The following SLC71A1 variants were observed in gnomAD, a reference collection of about 807,000 sequenced individuals.
SLC71A1 encodes the protein hippocampus abundant gene transcript 1.
the SLC71A1 span, among the ~76,000 whole-genome samples, chr1:100,064,731 T>C: frequency 6.6e-6 from 1 of 151,746 alleles, no homozygotes; most frequent in Non-Finnish European, 1.5e-5. Flanking sequence ...CTTTTCCTTT[T>C]TTTTTTTTTT....
the SLC71A1 span, among the ~76,000 whole-genome samples, chr1:100,066,846 G>A: frequency 6.6e-6 from 1 of 151,918 alleles, no homozygotes; most frequent in Non-Finnish European, 1.5e-5. Context: ...AAAATTAGCC[G>A]GGCGAGGTGG....
the SLC71A1 span, chr1:100,038,363 G>A: frequency 4.7e-6 from 7 of 1,478,514 alleles, no homozygotes; most frequent in East Asian, 4.9e-5. Context: ...GCCCCCATCC[G>A]GTCTCTCCTT....
At chr1:100,083,254 TGTGTG>T in the SLC71A1 span, 1 of 152,564 alleles carries the variant, frequency 6.6e-6, no homozygotes, top group Non-Finnish European at 1.5e-5. Context: ...TTTCATCTTG[TGTGTG>T]GTTATTGCTT....
chr1:100,061,002 C>A, the SLC71A1 span, among the ~76,000 whole-genome samples: 1 of 152,152 alleles, frequency 6.6e-6, no homozygotes, highest in East Asian at 1.9e-4. Flanking sequence ...TTCTAATAGA[C>A]CAAGCCTTTG....
At chr1:100,054,781 A>G in the SLC71A1 span, among the ~76,000 whole-genome samples, 2 of 152,224 alleles carry the variant, frequency 1.3e-5, no homozygotes, top group Non-Finnish European at 2.9e-5. Flanking sequence ...GTTCACCTCT[A>G]AAGACCAGTG....
chr1:100,053,184 T>C, the SLC71A1 span, among the ~76,000 whole-genome samples: 2 of 152,364 alleles, frequency 1.3e-5, no homozygotes, highest in African/African-American at 4.8e-5. Context: ...AAAAAGGTTT[T>C]ACTCATTTCA....
At chr1:100,056,374 C>A in the SLC71A1 span, among the ~76,000 whole-genome samples, 1 of 152,200 alleles carries the variant, frequency 6.6e-6, no homozygotes, top group South Asian at 2.1e-4. Context: ...TGTATAAATA[C>A]ATTTTCTTTA....
At chr1:100,038,188 GC>G in the SLC71A1 span, 1 of 1,519,488 alleles carries the variant, frequency 6.6e-7, no homozygotes. Context: ...GGGGCCTGCC[GC>G]CCCGGGAGTG....
chr1:100,058,549 T>A, the SLC71A1 span: 1 of 669,526 alleles, frequency 1.5e-6, no homozygotes, highest in Non-Finnish European at 2.7e-6. Flanking sequence ...CATACAAATC[T>A]GAATATGTAA....
chr1:100,065,917 C>T, the SLC71A1 span, among the ~76,000 whole-genome samples: 1 of 151,996 alleles, frequency 6.6e-6, no homozygotes, highest in East Asian at 1.9e-4. Flanking sequence ...CAAGTGATCT[C>T]CCACCTCAGC....
At chr1:100,038,437 A>C in the SLC71A1 span, 127,356 of 812,222 alleles carry the variant, frequency 0.16, 12,984 homozygotes, top group African/African-American at 0.43. Context: ...ACCCTGTCCG[A>C]GCTGCCGGTG....
chr1:100,061,799 T>C, the SLC71A1 span: 1 of 1,253,854 alleles, frequency 8.0e-7, no homozygotes, highest in Non-Finnish European at 1.2e-6. Flanking sequence ...ACAATGGTAA[T>C]TGCTCTAACC....
At chr1:100,070,427 G>A in the SLC71A1 span, among the ~76,000 whole-genome samples, 1 of 152,134 alleles carries the variant, frequency 6.6e-6, no homozygotes, top group Non-Finnish European at 1.5e-5. Flanking sequence ...AGGTAGTGAG[G>A]GACCAGATCG....
the SLC71A1 span, chr1:100,077,222 G>A: frequency 6.3e-7 from 1 of 1,595,312 alleles, no homozygotes; most frequent in Non-Finnish European, 8.6e-7. Flanking sequence ...CATTTTACTG[G>A]GTCTAGGATT....
the SLC71A1 span, among the ~76,000 whole-genome samples, chr1:100,069,412 T>A: frequency 2.1e-3 from 322 of 152,350 alleles, 2 homozygotes; most frequent in Admixed American, 4.2e-3. Flanking sequence ...TATATCCACA[T>A]TGAGGGACCC....
the SLC71A1 span, among the ~76,000 whole-genome samples, chr1:100,042,174 T>C: frequency 6.6e-6 from 1 of 152,338 alleles, no homozygotes; most frequent in African/African-American, 2.4e-5. Flanking sequence ...TGATCTTTAT[T>C]GTTTTGGCCA....
chr1:100,077,172 T>G, the SLC71A1 span: 2 of 1,370,444 alleles, frequency 1.5e-6, no homozygotes, highest in Non-Finnish European at 2.0e-6. Flanking sequence ...CAGACCATAG[T>G]CTTGAGTTTA....
the SLC71A1 span, chr1:100,067,956 T>A: frequency 6.2e-7 from 1 of 1,604,906 alleles, no homozygotes; most frequent in Middle Eastern, 1.7e-4. Context: ...CTAATCTCTG[T>A]CTATCCTTAA....
the SLC71A1 span, chr1:100,043,140 C>A: frequency 1.3e-5 from 13 of 983,476 alleles, no homozygotes; most frequent in Non-Finnish European, 1.4e-5. Flanking sequence ...ATCAGACCGT[C>A]TGCAGAAATT....
Sources: allele counts gnomAD v4.1 joint callset (sites outside exome capture counted in the v4.1 genomes callset), GRCh38; gene constraint gnomAD v4.1.1; transcripts MANE v1.5; gene names NCBI Gene and HGNC (gene_info 2026-07-23, HGNC 2026-07-21).